The following CORIN variants were observed in gnomAD, a reference collection of about 807,000 sequenced individuals.
The protein encoded by CORIN is atrial natriuretic peptide-converting enzyme.
A neutral mutation model predicts 125.3 loss-of-function variants in CORIN; 117 were observed. That is an observed-to-expected ratio of 0.93 (90% CI 0.80 to 1.09). The LOEUF (loss-of-function observed/expected upper bound fraction) is 1.09, where lower values mean the gene tolerates loss of function less well. CORIN is among the 50% of genes least tolerant of loss of function. CORIN has a pLI of 0.00. For synonymous variants in CORIN, 450 were observed against 466.4 expected, an observed-to-expected ratio of 0.96 and a Z score of 0.45; for missense variants, 1,253 against 1,306.7, an observed-to-expected ratio of 0.96 and a Z score of 0.63.
chr4:47,623,157 A>G (rs1053795415), intron 19 of CORIN, among the ~76,000 whole-genome samples: 7 of 150,604 alleles, frequency 4.6e-5, no homozygotes, highest in Non-Finnish European at 7.4e-5. Flanking sequence ...CACACATATT[A>G]CACACATTAT....
chr4:47,625,934 C>CGG lies in CORIN; in HGVS notation c.2315+470_2315+471insCC, dbSNP rs1404534684. On this transcript the variant is annotated intron_variant, in intron 17 of 21. Coordinates refer to ENST00000273857, the MANE Select transcript of CORIN (RefSeq NM_006587.4). ...CCACCCATAGACAAGGGAAGCAACC[C>CGG]TGTTTAAGATGCAATGATTTTTTAG... Among the ~76,000 whole-genome samples the CGG allele has an allele frequency of 2.9e-3, 446 of 152,240 alleles. 3 individuals are homozygous for CGG. The highest frequency in any genetic ancestry group is 6.8e-3 in the Middle Eastern group (2 of 294).
In CORIN at chr4:47,674,388, C is replaced by G. The variant is rs187819646; in HGVS notation, c.1357+5G>C. On this transcript the variant is annotated splice_donor_5th_base_variant and intron_variant, in intron 10 of 21. Coordinates refer to ENST00000273857, the MANE Select transcript of CORIN (RefSeq NM_006587.4). ...GCTATTGCATTTGTCAGCTGTTGTA[C>G]TTACTACAGTTATTCAGACTGTTGT... 6.3e-7 allele frequency: 1 copy of G among 1,588,236 alleles called. No homozygotes were observed. Among genetic ancestry groups the G allele is most frequent in the African/African-American group, 1.3e-5 (1 of 74,280 alleles).
At chr4:47,696,464 C>CAAA (rs113439913) in intron 5 of CORIN, among the ~76,000 whole-genome samples, 1 of 150,620 alleles carries the variant, frequency 6.6e-6, no homozygotes, top group African/African-American at 2.4e-5. Context: ...GAGAAGAAAA[C>CAAA]AAAAAAAAAT....
At chr4:47,678,264 G>A (rs546495882) in intron 8 of CORIN, among the ~76,000 whole-genome samples, 1 of 152,244 alleles carries the variant, frequency 6.6e-6, no homozygotes, top group Admixed American at 6.5e-5. Context: ...AGAACTGTGT[G>A]ATTGTTTTTA....
intron 5 of CORIN, among the ~76,000 whole-genome samples, chr4:47,707,910 C>T (rs1279101024): frequency 6.6e-6 from 1 of 152,196 alleles, no homozygotes; most frequent in Non-Finnish European, 1.5e-5. Context: ...AAAGCTAATA[C>T]TTATCTGGTG....
chr4:47,674,510 G>A lies in CORIN; in HGVS notation c.1250-10C>T. The stretch of plus-strand genomic sequence containing the variant: ...TGACATGAAGTCTGAACTACAGAGG[G>A]AGGAAAAGGCACATTGGCTTTCATC... On this transcript the variant is annotated splice_polypyrimidine_tract_variant and intron_variant, in intron 9 of 21. Transcript: ENST00000273857. 1.3e-6 allele frequency: 2 copies of A among 1,549,014 alleles called. No homozygotes were observed. Among genetic ancestry groups the A allele is most frequent in the Non-Finnish European group, 8.9e-7 (1 of 1,120,816 alleles).
intron 1 of CORIN, among the ~76,000 whole-genome samples, chr4:47,814,887 C>T (rs1310426923): frequency 6.6e-6 from 1 of 152,118 alleles, no homozygotes; most frequent in African/African-American, 2.4e-5. Context: ...AATAACAGCA[C>T]CAGATAGTCC....
In CORIN at chr4:47,645,162, A is replaced by T. The variant is rs1014486154; in HGVS notation, c.1876T>A (p.Ser626Thr). Residue 626 changes from serine (S) to threonine (T), a missense_variant, in exon 14 of 22, where the codon TCC becomes ACC. Physicochemically the swap from Ser to Thr is moderately conservative, Grantham distance 58 (BLOSUM62 1). Coordinates refer to ENST00000273857, the MANE Select transcript of CORIN (RefSeq NM_006587.4). ...GTGTGCTTCAAACATTGTTTATTGGATGGACATTCCCAAAGATCTCTCTCT... is the reference window on the plus strand; with the variant it reads ...GTGTGCTTCAAACATTGTTTATTGGTTGGACATTCCCAAAGATCTCTCTCT... ...CKERDLWECP[S>T]NKQCLKHTVI... is the part of the protein sequence containing the mutation. The T allele has an allele frequency of 1.7e-5, 28 of 1,611,194 alleles. No homozygotes were observed. The highest frequency in any genetic ancestry group is 2.0e-5 in the Non-Finnish European group (24 of 1,177,976).
intron 1 of CORIN, among the ~76,000 whole-genome samples, chr4:47,824,631 T>C (rs1043851096): frequency 1.3e-5 from 2 of 152,200 alleles, no homozygotes; most frequent in African/African-American, 2.4e-5. Context: ...GTTCACCTTC[T>C]TTGTTTTAAT....
chr4:47,808,224 T>C (rs1377171476), intron 1 of CORIN, among the ~76,000 whole-genome samples: 3 of 152,172 alleles, frequency 2.0e-5, no homozygotes, highest in Non-Finnish European at 2.9e-5. Context: ...CCCTATGCCG[T>C]ACATCACCAG....
At chr4:47,713,407 A>G (rs1726938890) in intron 5 of CORIN, among the ~76,000 whole-genome samples, 1 of 152,216 alleles carries the variant, frequency 6.6e-6, no homozygotes, top group African/African-American at 2.4e-5. Flanking sequence ...ACATTCAAAC[A>G]ACTGAAGCTT....
chr4:47,803,436 C>T (rs992139036), intron 2 of CORIN, among the ~76,000 whole-genome samples: 2 of 152,174 alleles, frequency 1.3e-5, no homozygotes, highest in African/African-American at 4.8e-5. Flanking sequence ...GGAAGAATCA[C>T]ATTACCTGAC....
intron 6 of CORIN, among the ~76,000 whole-genome samples, chr4:47,692,553 A>AT (rs1725816098): frequency 6.6e-6 from 1 of 151,614 alleles, no homozygotes; most frequent in African/African-American, 2.4e-5. Flanking sequence ...TGGAAGAAGC[A>AT]TAAAAAAAAA....
chr4:47,829,689 G>T (rs1732892940), intron 1 of CORIN, among the ~76,000 whole-genome samples: 1 of 152,190 alleles, frequency 6.6e-6, no homozygotes. Flanking sequence ...TGGTGTCAGA[G>T]AGTTGCAGCA....
chr4:47,612,880 G>A (rs143138961), intron 19 of CORIN, among the ~76,000 whole-genome samples: 7 of 152,292 alleles, frequency 4.6e-5, no homozygotes, highest in East Asian at 1.9e-4. Flanking sequence ...AAAGCTAGCC[G>A]TCGGTGATAA....
chr4:47,729,423 C>T (rs1727754024), intron 5 of CORIN, among the ~76,000 whole-genome samples: 1 of 152,178 alleles, frequency 6.6e-6, no homozygotes, highest in East Asian at 1.9e-4. Context: ...CAGACAGTTT[C>T]TGACAGCTGA....
chr4:47,745,440 G>A (rs539589559), intron 4 of CORIN, among the ~76,000 whole-genome samples: 4 of 152,204 alleles, frequency 2.6e-5, no homozygotes, highest in Non-Finnish European at 5.9e-5. Context: ...TTAAATCAAA[G>A]CATACACTTC....
At chr4:47,602,486 G>A (rs1404912501) in intron 20 of CORIN, among the ~76,000 whole-genome samples, 1 of 152,154 alleles carries the variant, frequency 6.6e-6, no homozygotes, top group Non-Finnish European at 1.5e-5. Flanking sequence ...TTTATAGTTT[G>A]TACTACAGAT....
Position 47,623,117 on chromosome 4 carries a change from T to TATATATACACAC in CORIN, c.2540+453_2540+454insGTGTGTATATAT, listed in dbSNP as rs141525347. Reference sequence around the variant, plus strand: ...CTCTCTATATATATATATATATATATACACACACACACACACTCTCTCTGA... The same window carrying TATATATACACAC: ...CTCTCTATATATATATATATATATATATATATACACACACACACACACACACACTCTCTCTGA... On this transcript the variant is annotated intron_variant, in intron 19 of 21. Coordinates refer to ENST00000273857, the MANE Select transcript of CORIN (RefSeq NM_006587.4). Among the ~76,000 whole-genome samples the TATATATACACAC allele has an allele frequency of 1.8e-3, 248 of 134,406 alleles. 3 individuals are homozygous for TATATATACACAC. Among genetic ancestry groups the TATATATACACAC allele is most frequent in the East Asian group, 0.014 (62 of 4,282 alleles). The allele number at this position is 134,406 out of a possible 152,430, so 88.2% of individuals were successfully genotyped here.
Sources: gnomAD v4.1 joint callset for allele counts (sites outside exome capture counted in the v4.1 genomes callset) on GRCh38, gnomAD v4.1.1 for gene constraint, MANE v1.5 for transcripts, NCBI Gene and HGNC (gene_info 2026-07-23, HGNC 2026-07-21) for gene names.